SRPK2: variants seen among roughly 807,000 people sequenced by gnomAD.
SRPK2 encodes the protein SRSF protein kinase 2, also known as SFRS protein kinase 2.
SRPK2 carries 21 observed loss-of-function variants against 90.8 expected under a neutral mutation model. That is an observed-to-expected ratio of 0.23 (90% CI 0.16 to 0.33). The LOEUF is 0.33. SRPK2 is among the 10% of genes least tolerant of loss of function. SRPK2 has a pLI of 1.00. For synonymous variants in SRPK2, 288 were observed against 311.1 expected, an observed-to-expected ratio of 0.93 and a Z score of 0.78; for missense variants, 620 against 869.0, an observed-to-expected ratio of 0.71 and a Z score of 3.60.
At chr7:105,196,244 A>G (rs1794899617) in intron 3 of SRPK2, among the ~76,000 whole-genome samples, 1 of 152,252 alleles carries the variant, frequency 6.6e-6, no homozygotes, top group South Asian at 2.1e-4. Flanking sequence ...AGCCAAATTA[A>G]GCCAACTAAT....
intron 2 of SRPK2, among the ~76,000 whole-genome samples, chr7:105,300,254 CAAAAAAAAA>C (rs35542004): frequency 1.3e-5 from 1 of 76,302 alleles, no homozygotes; most frequent in Non-Finnish European, 2.6e-5. Flanking sequence ...GACTCCATCT[CAAAAAAAAA>C]AAAAAAAAAA....
At chr7:105,267,627 TGCCCTAAGTTAGA>T (rs1276389108) in intron 2 of SRPK2, among the ~76,000 whole-genome samples, 1 of 152,222 alleles carries the variant, frequency 6.6e-6, no homozygotes, top group Non-Finnish European at 1.5e-5. Context: ...TTATTTGTGA[TGCCCTAAGTTAGA>T]GCCATAAGCT....
At chr7:105,217,808 T>C (rs1050264848) in intron 2 of SRPK2, among the ~76,000 whole-genome samples, 2 of 152,178 alleles carry the variant, frequency 1.3e-5, no homozygotes, top group African/African-American at 4.8e-5. Flanking sequence ...AAATAAAAAT[T>C]AGAGCATAAA....
chr7:105,187,996 T>G (rs907635925), intron 3 of SRPK2, among the ~76,000 whole-genome samples: 2 of 152,126 alleles, frequency 1.3e-5, no homozygotes, highest in Non-Finnish European at 2.9e-5. Flanking sequence ...CCTTAAGTGA[T>G]TACCATATGA....
At chr7:105,159,110 A>C (rs1010470724) in intron 7 of SRPK2, among the ~76,000 whole-genome samples, 1 of 152,134 alleles carries the variant, frequency 6.6e-6, no homozygotes, top group Non-Finnish European at 1.5e-5. Flanking sequence ...TTCAACTGAT[A>C]TAGAAGACAA....
intron 2 of SRPK2, among the ~76,000 whole-genome samples, chr7:105,225,365 A>G (rs956111530): frequency 6.6e-6 from 1 of 152,260 alleles, no homozygotes; most frequent in Non-Finnish European, 1.5e-5. Flanking sequence ...AGCAAGCTGC[A>G]GTGAGCTGCC....
intron 2 of SRPK2, among the ~76,000 whole-genome samples, chr7:105,285,222 C>T (rs1437653648): frequency 6.6e-6 from 1 of 151,328 alleles, no homozygotes; most frequent in Non-Finnish European, 1.5e-5. Context: ...CCTATCTCTA[C>T]AAAAAAATCA....
chr7:105,303,439 G>T (rs1810805011), intron 2 of SRPK2, among the ~76,000 whole-genome samples: 1 of 151,528 alleles, frequency 6.6e-6, no homozygotes, highest in Admixed American at 6.6e-5. Flanking sequence ...TTGTGCACAT[G>T]TACCCTAGAA....
At chr7:105,133,559 G>C (rs1296776014) in intron 11 of SRPK2, among the ~76,000 whole-genome samples, 1 of 152,124 alleles carries the variant, frequency 6.6e-6, no homozygotes, top group Non-Finnish European at 1.5e-5. Flanking sequence ...ACAGTTCCTT[G>C]GACGCCACAA....
upstream of SRPK2, chr7:105,389,262 C>T: frequency 7.9e-7 from 1 of 1,268,468 alleles, no homozygotes; most frequent in Non-Finnish European, 1.0e-6. Flanking sequence ...GTCGCGCCGC[C>T]CGCTGCTCCA....
At chr7:105,243,462 A>T (rs1308091393) in intron 2 of SRPK2, among the ~76,000 whole-genome samples, 2 of 152,148 alleles carry the variant, frequency 1.3e-5, no homozygotes, top group African/African-American at 4.8e-5. Context: ...ACCTGAGGTC[A>T]GGAGTTCAAG....
At chr7:105,282,896 A>T (rs1208787352) in intron 2 of SRPK2, among the ~76,000 whole-genome samples, 2 of 12,648 alleles carry the variant, frequency 1.6e-4, no homozygotes, top group Admixed American at 8.1e-4. Flanking sequence ...CGTAACTGAT[A>T]AAAAAAAAAA....
rs749907215 is a variant in SRPK2, at chr7:105,170,977, G to GAAAGAAAGAAAGAAAGAGAA, written c.230-1713_230-1712insTTCTCTTTCTTTCTTTCTTT. Among the ~76,000 whole-genome samples the GAAAGAAAGAAAGAAAGAGAA allele has an allele frequency of 1.7e-4, 7 of 42,210 alleles. 1 individual carries two copies. Among genetic ancestry groups the GAAAGAAAGAAAGAAAGAGAA allele is most frequent in the African/African-American group, 7.0e-4 (7 of 9,994 alleles). The allele number at this position is 42,210 out of a possible 152,430, so 27.7% of individuals were successfully genotyped here. A position where few individuals can be genotyped will look rare whatever the true frequency, so the allele number is the denominator to read the frequency against. ...AAAGAAAGAAAGAAAGAGAAAGAAA[G>GAAAGAAAGAAAGAAAGAGAA]AGAAAGAAAGAAAGAAAGAGAAAGA... is the stretch of plus-strand genomic sequence containing the variant. On this transcript the variant is annotated intron_variant, in intron 3 of 15. Coordinates refer to ENST00000393651, the MANE Select transcript of SRPK2 (RefSeq NM_182692.3).
At chr7:105,388,595 C>A in intron 2 of SRPK2, 53 bp downstream of exon 2, 1 of 1,514,286 alleles carries the variant, frequency 6.6e-7, no homozygotes, top group Non-Finnish European at 8.9e-7. Context: ...CGGCCGCGGG[C>A]GCCCCCGACG....
At chr7:105,314,547 C>T (rs547414298) in intron 2 of SRPK2, among the ~76,000 whole-genome samples, 36 of 152,100 alleles carry the variant, frequency 2.4e-4, no homozygotes, top group South Asian at 1.2e-3. Flanking sequence ...TCACGCCCGG[C>T]CAATTTTTGT....
intron 6 of SRPK2, among the ~76,000 whole-genome samples, chr7:105,162,955 T>C (rs1807908547): frequency 6.6e-6 from 1 of 152,204 alleles, no homozygotes; most frequent in South Asian, 2.1e-4. Flanking sequence ...AAGAAGTGAG[T>C]GCTCTGCCGC....
At chr7:105,324,932 A>G (rs1813392221) in intron 2 of SRPK2, among the ~76,000 whole-genome samples, 1 of 152,178 alleles carries the variant, frequency 6.6e-6, no homozygotes, top group Admixed American at 6.5e-5. Context: ...TTAATACTCA[A>G]TAGTCCTATT....
chr7:105,226,833 A>C (rs571749598), intron 2 of SRPK2, among the ~76,000 whole-genome samples: 3 of 152,060 alleles, frequency 2.0e-5, no homozygotes, highest in African/African-American at 7.2e-5. Flanking sequence ...CCCCATCTCT[A>C]CTAAAAATAG....
intron 2 of SRPK2, among the ~76,000 whole-genome samples, chr7:105,303,788 T>G (rs895157834): frequency 6.6e-6 from 1 of 152,114 alleles, no homozygotes; most frequent in African/African-American, 2.4e-5. Flanking sequence ...TCGTACAGTT[T>G]AATGGTTACA....
Sources: gnomAD v4.1 joint callset for allele counts (sites outside exome capture counted in the v4.1 genomes callset) on GRCh38, gnomAD v4.1.1 for gene constraint, MANE v1.5 for transcripts, NCBI Gene and HGNC (gene_info 2026-07-23, HGNC 2026-07-21) for gene names.